ZNF469: variants seen among roughly 807,000 people sequenced by gnomAD.
The protein encoded by ZNF469 is zinc finger protein 469.
A neutral mutation model predicts 1.0 loss-of-function variants in ZNF469; 1 was observed. That is an observed-to-expected ratio of 1.00 (90% CI 0.35 to 4.73). The LOEUF (loss-of-function observed/expected upper bound fraction) is 4.73, where lower values mean the gene tolerates loss of function less well. Ranked by LOEUF, ZNF469 falls within the 30% of genes most tolerant of loss-of-function variation. ZNF469 has a pLI of 0.16. For synonymous variants in ZNF469, 2,703 were observed against 2,363.4 expected, an observed-to-expected ratio of 1.14 and a Z score of -4.17; for missense variants, 6,100 against 5,356.3, an observed-to-expected ratio of 1.14 and a Z score of -4.33.
the ZNF469 span, among the ~76,000 whole-genome samples, chr16:88,286,818 G>A: frequency 1.3e-5 from 2 of 152,334 alleles, no homozygotes; most frequent in East Asian, 1.9e-4. Flanking sequence ...CTCTGCCTCT[G>A]TGTCTTATAA....
rs1231369337 is a variant in ZNF469 at position 88,436,864 on chromosome 16, C to T, written c.9394C>T (p.Leu3132=). The change falls in exon 3 of 3, where the codon CTG becomes TTG. Residue 3132 remains leucine (L), a synonymous_variant. Transcript: ENST00000565624. ...CTTCCGCAGCCTGGGCGAGCTGGAC[C>T]TGCACAAGCTGGCCCACACGCCCGC... ...QRFRSLGELD[L]HKLAHTPAPP... 1 of 1,522,516 alleles carries T rather than the reference C, an allele frequency of 6.6e-7. No individual in the cohort carries two copies. Among genetic ancestry groups the T allele is most frequent in the Non-Finnish European group, 8.8e-7 (1 of 1,137,360 alleles). The allele number at this position is 1,522,516 out of a possible 1,614,324, so 94.3% of individuals were successfully genotyped here. A position where few individuals can be genotyped will look rare whatever the true frequency, so the allele number is the denominator to read the frequency against.
the ZNF469 span, among the ~76,000 whole-genome samples, chr16:88,248,032 C>A: frequency 2.0e-5 from 3 of 152,240 alleles, no homozygotes; most frequent in South Asian, 2.1e-4. Context: ...AAGTGGGAGG[C>A]CACCCACACA....
At chr16:88,348,025 T>G in the ZNF469 span, among the ~76,000 whole-genome samples, 2 of 152,222 alleles carry the variant, frequency 1.3e-5, no homozygotes, top group Non-Finnish European at 2.9e-5. Flanking sequence ...CTCCTCGCTG[T>G]GGAAGCCTGG....
intron 1 of ZNF469, among the ~76,000 whole-genome samples, chr16:88,390,724 G>A (rs1483223257): frequency 6.6e-6 from 1 of 152,218 alleles, no homozygotes; most frequent in Non-Finnish European, 1.5e-5. Flanking sequence ...AGTGTGTGAG[G>A]ATCCTATAGT....
chr16:88,412,519 T>C (rs1317274581), intron 1 of ZNF469, among the ~76,000 whole-genome samples: 1 of 152,216 alleles, frequency 6.6e-6, no homozygotes, highest in Admixed American at 6.5e-5. Flanking sequence ...CAGAAACCCT[T>C]GACCTTTCCT....
the ZNF469 span, among the ~76,000 whole-genome samples, chr16:88,353,021 G>A: frequency 3.3e-5 from 5 of 152,192 alleles, no homozygotes; most frequent in Non-Finnish European, 1.5e-5. Flanking sequence ...GCCCAGGCAG[G>A]CCCCGGTGAG....
At chr16:88,208,628 G>A in the ZNF469 span, among the ~76,000 whole-genome samples, 1 of 64,684 alleles carries the variant, frequency 1.5e-5, no homozygotes, top group East Asian at 7.0e-4. Flanking sequence ...AGGAGAAGTG[G>A]GAGGGAGAGA....
chr16:88,298,772 C>T, the ZNF469 span, among the ~76,000 whole-genome samples: 2 of 152,152 alleles, frequency 1.3e-5, no homozygotes, highest in African/African-American at 2.4e-5. Flanking sequence ...AGCAAGCAGA[C>T]GTGCATTCCA....
intron 1 of ZNF469, among the ~76,000 whole-genome samples, chr16:88,418,183 G>A (rs749163632): frequency 2.1e-4 from 32 of 152,232 alleles, no homozygotes; most frequent in African/African-American, 6.5e-4. Context: ...GTGTGATGCC[G>A]GCAGTGAGGA....
At chr16:88,379,057 C>G (rs764144152), upstream of ZNF469, among the ~76,000 whole-genome samples, 2 of 152,188 alleles carry the variant, frequency 1.3e-5, no homozygotes, top group Non-Finnish European at 2.9e-5. Flanking sequence ...TGGAATCTGT[C>G]GGAGGCTTCT....
chr16:88,430,743 G>C lies in ZNF469; in HGVS notation c.3273G>C (p.Glu1091Asp). 1.3e-6 allele frequency: 2 copies of C among 1,503,400 alleles called. No individual in the cohort carries two copies. Among genetic ancestry groups the C allele is most frequent in the Non-Finnish European group, 1.8e-6 (2 of 1,133,314 alleles). The allele number at this position is 1,503,400 out of a possible 1,614,324, so 93.1% of individuals were successfully genotyped here. The change falls in exon 3 of 3, where the codon GAG (glutamate) becomes GAC (aspartate). Residue 1091 changes from glutamate to aspartate, a missense_variant. Glu to Asp is a conservative substitution (Grantham distance 45, BLOSUM62 2). Coordinates refer to ENST00000565624, the MANE Select transcript of ZNF469 (RefSeq NM_001367624.2). ...GAGCTGAGGACCGCAGGCTCCGCGA[G>C]TACGACTTCGCCTCGGAGTCCGAGG... ...RPGAEDRRLR[E>D]YDFASESEED...
the ZNF469 span, among the ~76,000 whole-genome samples, chr16:88,280,423 G>T: frequency 6.6e-6 from 1 of 151,428 alleles, no homozygotes. Flanking sequence ...ACCTTGCACA[G>T]GTTAGTGCTG....
the ZNF469 span, among the ~76,000 whole-genome samples, chr16:88,184,087 C>T: frequency 1.3e-5 from 2 of 151,954 alleles, no homozygotes; most frequent in African/African-American, 4.8e-5. Flanking sequence ...CATAGATTTG[C>T]CCCTCCCCTG....
chr16:88,229,736 T>C, the ZNF469 span, among the ~76,000 whole-genome samples: 20 of 151,926 alleles, frequency 1.3e-4, no homozygotes, highest in African/African-American at 4.1e-4. Flanking sequence ...GTGGATGTCA[T>C]GCAGGACCGC....
the ZNF469 span, among the ~76,000 whole-genome samples, chr16:88,156,686 G>C: frequency 6.6e-6 from 1 of 152,200 alleles, no homozygotes; most frequent in Non-Finnish European, 1.5e-5. Flanking sequence ...CAGACCCCTG[G>C]AGCACCAGGT....
chr16:88,367,785 C>T, the ZNF469 span, among the ~76,000 whole-genome samples: 1 of 152,192 alleles, frequency 6.6e-6, no homozygotes, highest in African/African-American at 2.4e-5. Context: ...GGGCTCATGG[C>T]CCCATCTGGA....
the ZNF469 span, among the ~76,000 whole-genome samples, chr16:88,132,090 C>G: frequency 6.6e-6 from 1 of 152,240 alleles, no homozygotes; most frequent in African/African-American, 2.4e-5. Flanking sequence ...TGCTTCGTGG[C>G]CACTCTCCTC....
At chr16:88,251,608 C>A in the ZNF469 span, among the ~76,000 whole-genome samples, 664 of 117,100 alleles carry the variant, frequency 5.7e-3, no homozygotes, top group Admixed American at 0.01. Flanking sequence ...GCCCAGGTTA[C>A]AATGCAGTGG....
At chr16:88,142,996 T>C in the ZNF469 span, among the ~76,000 whole-genome samples, 5 of 152,192 alleles carry the variant, frequency 3.3e-5, no homozygotes, top group African/African-American at 1.2e-4. Context: ...TCAGTTTCTC[T>C]GCCTGAAAAC....
Sources: gnomAD v4.1 joint callset for allele counts (sites outside exome capture counted in the v4.1 genomes callset) on GRCh38, gnomAD v4.1.1 for gene constraint, MANE v1.5 for transcripts, NCBI Gene and HGNC (gene_info 2026-07-23, HGNC 2026-07-21) for gene names.